The following RBFOX1 variants were observed in gnomAD, a reference collection of about 807,000 sequenced individuals.
RBFOX1 encodes RNA binding protein fox-1 homolog 1.
In RBFOX1, 8 loss-of-function variants were observed where a neutral mutation model predicts 57.7. That is an observed-to-expected ratio of 0.14 (90% CI 0.08 to 0.25). The LOEUF (loss-of-function observed/expected upper bound fraction) is 0.25, where lower values mean the gene tolerates loss of function less well. RBFOX1 is among the 10% of genes least tolerant of loss of function. The probability of loss-of-function intolerance (pLI) is 1.00; values close to 1 mark genes in which losing one functional copy is unlikely to be tolerated. For synonymous variants in RBFOX1, 326 were observed against 222.4 expected (o/e 1.47, Z -4.15); for missense variants, 611 against 548.5 (o/e 1.11, Z -1.14).
chr16:6,556,992 CATACATATAT>C (rs71145247), intron 2 of RBFOX1, among the ~76,000 whole-genome samples: 61,785 of 139,812 alleles, frequency 0.44, 14,999 homozygotes, highest in Non-Finnish European at 0.55. Flanking sequence ...CGTATATATA[CATACATATAT>C]ATACATATAT....
At chr16:6,236,213 C>T (rs559404406) in intron 1 of RBFOX1, among the ~76,000 whole-genome samples, 9 of 152,206 alleles carry the variant, frequency 5.9e-5, no homozygotes, top group Non-Finnish European at 1.2e-4. Context: ...GTTGAAAGAG[C>T]AAGCTCTGGA....
intron 2 of RBFOX1, 63 bp from the exon 3 acceptor site, chr16:6,654,540 C>A (rs2098631966): frequency 3.0e-6 from 4 of 1,315,140 alleles, no homozygotes; most frequent in South Asian, 2.8e-5. Flanking sequence ...ACTGAATGTT[C>A]TCTGACCATA....
chr16:5,444,792 G>C (rs563855454), intron 1 of RBFOX1, among the ~76,000 whole-genome samples: 1 of 152,340 alleles, frequency 6.6e-6, no homozygotes, highest in African/African-American at 2.4e-5. Flanking sequence ...CAATGGCCCT[G>C]TGATGGATGT....
At chr16:7,260,683 A>G (rs1430324680) in intron 4 of RBFOX1, among the ~76,000 whole-genome samples, 4 of 151,308 alleles carry the variant, frequency 2.6e-5, no homozygotes, top group Non-Finnish European at 5.9e-5. Context: ...AAGTTTCTCT[A>G]ATGTTCTAAT....
intron 11 of RBFOX1, among the ~76,000 whole-genome samples, chr16:7,640,984 G>A (rs1025166031): frequency 4.0e-5 from 6 of 151,780 alleles, no homozygotes; most frequent in African/African-American, 9.7e-5. Flanking sequence ...GATCTTGCTT[G>A]GTTCTTGGAA....
Position 6,867,736 on chromosome 16 carries a change from AT to A in RBFOX1, c.-15-184320del, listed in dbSNP as rs1228068320. Among the ~76,000 whole-genome samples the A allele has an allele frequency of 2.6e-5, 4 of 152,068 alleles. No homozygotes were observed. The East Asian group carries it at 7.7e-4, about 29-fold the overall frequency. ...GGACAAAAAGAAAGGGATCCAACAG[AT>A]ATTTATCAGTTAATGTGTGAATTAC... On this transcript the variant is annotated intron_variant, in intron 3 of 15. Coordinates refer to ENST00000550418, the MANE Select transcript of RBFOX1 (RefSeq NM_018723.4).
chr16:6,716,331 C>G (rs1029293551), intron 3 of RBFOX1, among the ~76,000 whole-genome samples: 2 of 152,164 alleles, frequency 1.3e-5, no homozygotes, highest in Non-Finnish European at 2.9e-5. Flanking sequence ...TTTTCCATGA[C>G]CTTCCCTCTT....
intron 3 of RBFOX1, among the ~76,000 whole-genome samples, chr16:6,943,579 G>A (rs555640201): frequency 1.3e-5 from 2 of 152,080 alleles, no homozygotes; most frequent in Admixed American, 1.3e-4. Flanking sequence ...GCGGTGGCGG[G>A]TGCCTGTAGT....
At chr16:7,588,760 A>G (rs940608229) in intron 7 of RBFOX1, among the ~76,000 whole-genome samples, 1 of 152,044 alleles carries the variant, frequency 6.6e-6, no homozygotes, top group African/African-American at 2.4e-5. Flanking sequence ...TCCCCCATAA[A>G]ACAAACCTTT....
At chr16:6,780,014 TA>T (rs2080347882) in intron 3 of RBFOX1, among the ~76,000 whole-genome samples, 1 of 63,306 alleles carries the variant, frequency 1.6e-5, no homozygotes, top group African/African-American at 6.9e-5. Context: ...TATTTATATA[TA>T]TTTATATATT....
intron 1 of RBFOX1, among the ~76,000 whole-genome samples, chr16:6,307,425 A>G (rs895847942): frequency 8.6e-5 from 13 of 151,874 alleles, no homozygotes; most frequent in Non-Finnish European, 1.6e-4. Context: ...ATATTGTCCA[A>G]TACTAAATGG....
At chr16:7,590,625 C>T (rs1410026466) in intron 7 of RBFOX1, among the ~76,000 whole-genome samples, 6 of 151,690 alleles carry the variant, frequency 4.0e-5, no homozygotes, top group Non-Finnish European at 7.4e-5. Context: ...TTTGGGAGGC[C>T]GAGGCAGGCG....
intron 2 of RBFOX1, among the ~76,000 whole-genome samples, chr16:6,596,508 GT>G (rs1391116522): frequency 6.6e-6 from 1 of 152,136 alleles, no homozygotes; most frequent in Non-Finnish European, 1.5e-5. Flanking sequence ...AAAAGGAGGG[GT>G]CCCACTCCTG....
At chr16:7,208,472 C>T (rs2090443301) in intron 4 of RBFOX1, among the ~76,000 whole-genome samples, 1 of 152,114 alleles carries the variant, frequency 6.6e-6, no homozygotes, top group Non-Finnish European at 1.5e-5. Flanking sequence ...AGAAAGGGAG[C>T]TGGTATGTGC....
chr16:7,411,367 A>G (rs1291142097), intron 4 of RBFOX1, among the ~76,000 whole-genome samples: 3 of 152,030 alleles, frequency 2.0e-5, no homozygotes, highest in Non-Finnish European at 4.4e-5. Flanking sequence ...CCGACAGTGT[A>G]TGGAATTTCA....
At chr16:6,418,025 G>A (rs2093673226) in intron 2 of RBFOX1, among the ~76,000 whole-genome samples, 1 of 152,136 alleles carries the variant, frequency 6.6e-6, no homozygotes, top group African/African-American at 2.4e-5. Flanking sequence ...AAGAGACACA[G>A]GCCAAGCCTT....
intron 4 of RBFOX1, among the ~76,000 whole-genome samples, chr16:7,187,956 A>G (rs1425445042): frequency 6.6e-6 from 1 of 152,118 alleles, no homozygotes; most frequent in African/African-American, 2.4e-5. Flanking sequence ...TTAAGAATCA[A>G]CTCACAGAGA....
intron 3 of RBFOX1, among the ~76,000 whole-genome samples, chr16:6,737,567 T>C (rs1175116943): frequency 6.6e-6 from 1 of 152,214 alleles, no homozygotes; most frequent in African/African-American, 2.4e-5. Flanking sequence ...AAATCTGGAC[T>C]CTGCTTCTAG....
chr16:7,047,616 A>T (rs11646330), intron 3 of RBFOX1, among the ~76,000 whole-genome samples: 11,161 of 105,720 alleles, frequency 0.11, 663 homozygotes, highest in East Asian at 0.38. Flanking sequence ...ATTATTTCTT[A>T]ATTTTTTTTT....
Sources: gnomAD v4.1 joint callset for allele counts (sites outside exome capture counted in the v4.1 genomes callset) on GRCh38, gnomAD v4.1.1 for gene constraint, MANE v1.5 for transcripts, NCBI Gene and HGNC (gene_info 2026-07-23, HGNC 2026-07-21) for gene names.